The following SLC24A4 variants were observed in gnomAD, a reference collection of about 807,000 sequenced individuals.
SLC24A4 encodes sodium/potassium/calcium exchanger 4.
A neutral mutation model predicts 79.0 loss-of-function variants in SLC24A4; 53 were observed. The ratio of observed to expected loss-of-function variants is 0.67; its 90% CI spans 0.54 to 0.84. SLC24A4 has a LOEUF of 0.84. Ranked by LOEUF, SLC24A4 falls within the 40% of genes least tolerant of loss-of-function variation. The pLI is 0.00. For synonymous variants in SLC24A4, 323 were observed against 323.8 expected, an observed-to-expected ratio of 1.00 and a Z score of 0.03; for missense variants, 731 against 822.0, an observed-to-expected ratio of 0.89 and a Z score of 1.35.
intron 2 of SLC24A4, among the ~76,000 whole-genome samples, chr14:92,344,952 G>C (rs142034500): frequency 6.6e-6 from 1 of 152,182 alleles, no homozygotes; most frequent in Non-Finnish European, 1.5e-5. Context: ...AGACACGCCA[G>C]GTTTGGGTAG....
In SLC24A4 at chr14:92,482,970, A is replaced by G; in HGVS notation, c.1422+124A>G. 3 of 915,308 alleles carry G rather than the reference A, an allele frequency of 3.3e-6. No individual in the cohort carries two copies. In the South Asian group the frequency reaches 5.3e-5, roughly 16 times the overall value. The allele number at this position is 915,308 out of a possible 1,614,324, so 56.7% of individuals were successfully genotyped here. A position where few individuals can be genotyped will look rare whatever the true frequency, so the allele number is the denominator to read the frequency against. ...GCGAGTCACTGGCCTCACTGACCAC[A>G]GCGTATTTCTCAGTAGAAAAGGGTT... On this transcript the variant is annotated intron_variant, in intron 13 of 16. Coordinates refer to ENST00000532405, the MANE Select transcript of SLC24A4 (RefSeq NM_153646.4).
intron 2 of SLC24A4, among the ~76,000 whole-genome samples, chr14:92,348,917 G>A (rs1407042671): frequency 6.6e-6 from 1 of 152,102 alleles, no homozygotes; most frequent in Non-Finnish European, 1.5e-5. Context: ...AAACTCAGGA[G>A]GGAAACTCCA....
intron 2 of SLC24A4, among the ~76,000 whole-genome samples, chr14:92,394,805 C>A (rs1889676430): frequency 6.6e-6 from 1 of 152,210 alleles, no homozygotes; most frequent in Admixed American, 6.5e-5. Flanking sequence ...GGGATATCAG[C>A]AGTATCATTT....
intron 2 of SLC24A4, among the ~76,000 whole-genome samples, chr14:92,348,482 G>A (rs11621207): frequency 0.12 from 18,364 of 152,220 alleles, 1,176 homozygotes; most frequent in Admixed American, 0.14. Flanking sequence ...ATAAAACTTT[G>A]TCAACCCTGG....
chr14:92,337,575 C>T (rs1228920524), intron 2 of SLC24A4, among the ~76,000 whole-genome samples: 1 of 152,216 alleles, frequency 6.6e-6, no homozygotes, highest in Non-Finnish European at 1.5e-5. Flanking sequence ...GCCAAACTAT[C>T]TGGTTTCCAA....
At chr14:92,340,752 C>T (rs1347663217) in intron 2 of SLC24A4, among the ~76,000 whole-genome samples, 1 of 152,120 alleles carries the variant, frequency 6.6e-6, no homozygotes, top group Non-Finnish European at 1.5e-5. Context: ...GGGCACGGAT[C>T]CCCCTAATTC....
intron 2 of SLC24A4, among the ~76,000 whole-genome samples, chr14:92,389,665 T>C (rs2141731714): frequency 6.6e-6 from 1 of 152,300 alleles, no homozygotes; most frequent in South Asian, 2.1e-4. Context: ...GTCTGATACT[T>C]GGCCCAAGTC....
chr14:92,404,502 T>TGGC, intron 2 of SLC24A4, among the ~76,000 whole-genome samples: 1 of 152,336 alleles, frequency 6.6e-6, no homozygotes, highest in East Asian at 1.9e-4. Flanking sequence ...GCAGGAGATG[T>TGGC]AGACTGCTGG....
chr14:92,394,391 T>G (rs1455303022), intron 2 of SLC24A4, among the ~76,000 whole-genome samples: 1 of 151,690 alleles, frequency 6.6e-6, no homozygotes, highest in African/African-American at 2.4e-5. Flanking sequence ...AGGCCAAGAG[T>G]TGAAGACCAG....
At chr14:92,405,872 T>C (rs1236088711) in intron 2 of SLC24A4, among the ~76,000 whole-genome samples, 1 of 152,138 alleles carries the variant, frequency 6.6e-6, no homozygotes. Context: ...TCTCATGTCT[T>C]TCTCACATTT....
At chr14:92,351,236 G>GCGCGCGCGCACACACA (rs112120101) in intron 2 of SLC24A4, among the ~76,000 whole-genome samples, 1 of 146,986 alleles carries the variant, frequency 6.8e-6, no homozygotes, top group Non-Finnish European at 1.5e-5. Flanking sequence ...ACACATACAC[G>GCGCGCGCGCACACACA]CACACACACA....
At chr14:92,329,467 A>T (rs1476839463) in intron 2 of SLC24A4, among the ~76,000 whole-genome samples, 2 of 152,120 alleles carry the variant, frequency 1.3e-5, no homozygotes, top group Non-Finnish European at 2.9e-5. Context: ...TCTGAGTTTC[A>T]GCCTAAGTAC....
chr14:92,333,720 A>G (rs1885611427), intron 2 of SLC24A4, among the ~76,000 whole-genome samples: 3 of 152,188 alleles, frequency 2.0e-5, no homozygotes, highest in Non-Finnish European at 4.4e-5. Flanking sequence ...AGATGGATGC[A>G]AGCGCTAGAT....
chr14:92,324,661 T>C (rs1047841729), intron 1 of SLC24A4, among the ~76,000 whole-genome samples: 52 of 152,364 alleles, frequency 3.4e-4, no homozygotes, highest in Non-Finnish European at 6.6e-4. Context: ...TGTGACCCCA[T>C]GTGTAACCTT....
At chr14:92,340,316 T>G (rs931066703) in intron 2 of SLC24A4, among the ~76,000 whole-genome samples, 1 of 152,244 alleles carries the variant, frequency 6.6e-6, no homozygotes, top group Non-Finnish European at 1.5e-5. Flanking sequence ...AATCACTGCA[T>G]GTGACCTGGG....
At chr14:92,472,531 A>T (rs1023195600) in intron 12 of SLC24A4, among the ~76,000 whole-genome samples, 2 of 152,196 alleles carry the variant, frequency 1.3e-5, no homozygotes, top group African/African-American at 4.8e-5. Flanking sequence ...TACTTCACAT[A>T]GAATAATAGT....
At chr14:92,382,456 G>T (rs1222051792) in intron 2 of SLC24A4, among the ~76,000 whole-genome samples, 1 of 152,082 alleles carries the variant, frequency 6.6e-6, no homozygotes, top group Non-Finnish European at 1.5e-5. Context: ...TACGCGTAAG[G>T]CTGTTAGAAC....
At chr14:92,416,883 G>C (rs758853152) in intron 2 of SLC24A4, among the ~76,000 whole-genome samples, 15 of 152,238 alleles carry the variant, frequency 9.9e-5, no homozygotes, top group Non-Finnish European at 2.2e-4. Context: ...TGAGGAAAAA[G>C]AGGTCATATG....
At chr14:92,484,654 C>T (rs995412879) in intron 13 of SLC24A4, 74 of 985,296 alleles carry the variant, frequency 7.5e-5, no homozygotes, top group Non-Finnish European at 1.9e-5. Flanking sequence ...CTTGGAACAC[C>T]CTGGCCTTGG....
Sources: gnomAD v4.1 joint callset for allele counts (sites outside exome capture counted in the v4.1 genomes callset) on GRCh38, gnomAD v4.1.1 for gene constraint, MANE v1.5 for transcripts, NCBI Gene and HGNC (gene_info 2026-07-23, HGNC 2026-07-21) for gene names.